Variants in CTNNBL1 observed in about 807,000 individuals in gnomAD.
CTNNBL1 encodes catenin beta like 1.
A neutral mutation model predicts 72.7 loss-of-function variants in CTNNBL1; 31 were observed. That is an observed-to-expected ratio of 0.43 (90% confidence interval 0.32 to 0.58). CTNNBL1 has a LOEUF of 0.58. Among genes scored for constraint, CTNNBL1 ranks in the 20% least tolerant of loss-of-function variants. CTNNBL1 has a pLI of 0.08. For missense variants in CTNNBL1, 534 were observed against 725.1 expected (o/e 0.74, Z 3.03); for synonymous variants, 240 against 267.3 (o/e 0.90, Z 1.00).
intron 1 of CTNNBL1, among the ~76,000 whole-genome samples, chr20:37,730,638 T>G (rs1280270249): frequency 6.6e-6 from 1 of 152,154 alleles, no homozygotes; most frequent in African/African-American, 2.4e-5. Context: ...TTATTCTAAT[T>G]TAATGGAAAA....
At chr20:37,720,616 C>G (rs1426282106) in intron 1 of CTNNBL1, among the ~76,000 whole-genome samples, 1 of 152,200 alleles carries the variant, frequency 6.6e-6, no homozygotes, top group Non-Finnish European at 1.5e-5. Context: ...TCTTAGAGGT[C>G]TAAATAGTCC....
At chr20:37,802,361 G>A (rs76191931) in intron 10 of CTNNBL1, among the ~76,000 whole-genome samples, 3 of 152,340 alleles carry the variant, frequency 2.0e-5, no homozygotes, top group East Asian at 1.9e-4. Context: ...GATGAAGAGG[G>A]TAGGGGGTGT....
At chr20:37,804,159 G>A (rs1034979430) in intron 11 of CTNNBL1, among the ~76,000 whole-genome samples, 3 of 152,150 alleles carry the variant, frequency 2.0e-5, no homozygotes, top group African/African-American at 7.2e-5. Flanking sequence ...AGAACAAGTA[G>A]AGACTTCAGT....
At chr20:37,720,954 T>C (rs1401335805) in intron 1 of CTNNBL1, among the ~76,000 whole-genome samples, 1 of 152,124 alleles carries the variant, frequency 6.6e-6, no homozygotes, top group Non-Finnish European at 1.5e-5. Flanking sequence ...AGCTCACAAG[T>C]TTTACTGGAG....
intron 10 of CTNNBL1, among the ~76,000 whole-genome samples, chr20:37,779,982 G>C (rs972685746): frequency 2.6e-5 from 4 of 151,906 alleles, no homozygotes; most frequent in Admixed American, 6.6e-5. Flanking sequence ...GATAACTCTT[G>C]AGACCCTGTC....
At chr20:37,823,543 G>A (rs1038471013) in intron 11 of CTNNBL1, among the ~76,000 whole-genome samples, 3 of 152,124 alleles carry the variant, frequency 2.0e-5, no homozygotes, top group Non-Finnish European at 2.9e-5. Flanking sequence ...AGGAGGAGGA[G>A]GGAGCGGCTG....
At chr20:37,748,928 G>T (rs2073292949) in intron 4 of CTNNBL1, among the ~76,000 whole-genome samples, 1 of 152,210 alleles carries the variant, frequency 6.6e-6, no homozygotes, top group Admixed American at 6.5e-5. Flanking sequence ...TCTATTCTGG[G>T]CACTAATGGT....
chr20:37,851,209 T>C (rs369162368), intron 13 of CTNNBL1, among the ~76,000 whole-genome samples: 2 of 152,216 alleles, frequency 1.3e-5, no homozygotes, highest in East Asian at 3.8e-4. Context: ...CTGCTGCGAA[T>C]TGCAGTCTGT....
intron 13 of CTNNBL1, among the ~76,000 whole-genome samples, chr20:37,856,802 A>G (rs1005011185): frequency 3.9e-5 from 6 of 152,230 alleles, no homozygotes; most frequent in Non-Finnish European, 7.4e-5. Flanking sequence ...CTTTCTGGCC[A>G]TTTCCTAGAA....
intron 3 of CTNNBL1, among the ~76,000 whole-genome samples, chr20:37,740,871 C>T (rs945165971): frequency 4.6e-5 from 7 of 152,154 alleles, no homozygotes; most frequent in Non-Finnish European, 8.8e-5. Context: ...CCAGCCACCC[C>T]GCTACCCCAT....
At position 37,828,741 on chromosome 20, in the gene CTNNBL1, G is replaced by C. The variant is rs73290886; in HGVS notation, c.1214-11361G>C. Among the ~76,000 whole-genome samples, 1,242 of 152,308 alleles carry C rather than the reference G, an allele frequency of 8.2e-3. 15 individuals are homozygous for C. Among genetic ancestry groups the C allele is most frequent in the African/African-American group, 0.025 (1,043 of 41,552 alleles). ...ATAGGGATGTATGTACCCCGTGTATGTGTAAAAGGGGCTATATATAGATGC... is the reference window on the plus strand; with the variant it reads ...ATAGGGATGTATGTACCCCGTGTATCTGTAAAAGGGGCTATATATAGATGC... On this transcript the variant is annotated intron_variant, in intron 11 of 15. Transcript: ENST00000361383.
intron 5 of CTNNBL1, among the ~76,000 whole-genome samples, chr20:37,760,401 C>G (rs1199631403): frequency 6.6e-6 from 1 of 152,220 alleles, no homozygotes; most frequent in Admixed American, 6.5e-5. Context: ...AATACTACCT[C>G]TCATCCCTTT....
intron 9 of CTNNBL1, 148 bp downstream of exon 9, chr20:37,777,860 A>G (rs78882363): frequency 2.0e-5 from 15 of 753,626 alleles, no homozygotes; most frequent in Non-Finnish European, 3.5e-5. Context: ...ACGGAGGGAC[A>G]TGGTTTGCCT....
At chr20:37,726,992 ATAGAT>A (rs1412093429) in intron 1 of CTNNBL1, among the ~76,000 whole-genome samples, 2 of 152,180 alleles carry the variant, frequency 1.3e-5, no homozygotes, top group Non-Finnish European at 2.9e-5. Flanking sequence ...ATGTGATAAT[ATAGAT>A]TGCGTGCTCA....
At chr20:37,818,635 C>T (rs543964916) in intron 11 of CTNNBL1, among the ~76,000 whole-genome samples, 2 of 152,232 alleles carry the variant, frequency 1.3e-5, no homozygotes, top group East Asian at 3.9e-4. Flanking sequence ...GGATCATAAT[C>T]CCGAAAGATA....
At chr20:37,870,154 G>T (rs2093698316) in intron 15 of CTNNBL1, among the ~76,000 whole-genome samples, 2 of 152,038 alleles carry the variant, frequency 1.3e-5, no homozygotes, top group South Asian at 4.2e-4. Flanking sequence ...CTCTCTGATG[G>T]CATCCTCTGC....
intron 13 of CTNNBL1, among the ~76,000 whole-genome samples, chr20:37,855,140 T>C (rs1054176596): frequency 1.3e-5 from 2 of 151,140 alleles, no homozygotes; most frequent in Non-Finnish European, 2.9e-5. Flanking sequence ...CCTTACCCCT[T>C]TCTAATGTTT....
At chr20:37,722,096 G>A (rs563006914) in intron 1 of CTNNBL1, among the ~76,000 whole-genome samples, 4 of 152,052 alleles carry the variant, frequency 2.6e-5, no homozygotes, top group African/African-American at 9.7e-5. Flanking sequence ...ATGAGGTTGG[G>A]CTACTTTTTA....
At chr20:37,769,997 A>G (rs2073508016) in intron 7 of CTNNBL1, among the ~76,000 whole-genome samples, 1 of 152,226 alleles carries the variant, frequency 6.6e-6, no homozygotes, top group African/African-American at 2.4e-5. Flanking sequence ...ACCTTGATTT[A>G]CATAACATAT....
Sources: gnomAD v4.1 joint callset for allele counts (sites outside exome capture counted in the v4.1 genomes callset) on GRCh38, gnomAD v4.1.1 for gene constraint, MANE v1.5 for transcripts, NCBI Gene and HGNC (gene_info 2026-07-23, HGNC 2026-07-21) for gene names.